The following MAST3 variants were observed in gnomAD, a reference collection of about 807,000 sequenced individuals.
MAST3 encodes microtubule associated serine/threonine kinase 3, also known as microtubule-associated serine/threonine-protein kinase 3.
In MAST3, 43 loss-of-function variants were observed where a neutral mutation model predicts 127.0. The ratio of observed to expected loss-of-function variants is 0.34; its 90% CI spans 0.27 to 0.44. MAST3 has a LOEUF of 0.44. Ranked by LOEUF, MAST3 falls within the 20% of genes least tolerant of loss-of-function variation. The pLI is 1.00. For synonymous variants in MAST3, 785 were observed against 809.2 expected (o/e 0.97, Z 0.51); for missense variants, 1,390 against 1,919.1 (o/e 0.72, Z 5.15).
intron 19 of MAST3, among the ~76,000 whole-genome samples, chr19:18,138,590 C>A (rs925826070): frequency 3.9e-5 from 6 of 152,166 alleles, no homozygotes; most frequent in Non-Finnish European, 8.8e-5. Flanking sequence ...CTCTGCCTCC[C>A]GGGTTCAAGC....
rs1027634943 is a variant in MAST3, at chr19:18,144,405, G to C, written c.2585-61G>C. 7.1e-7 allele frequency: 1 copy of C among 1,410,210 alleles called. No individual in the cohort carries two copies. Among genetic ancestry groups the C allele is most frequent in the Admixed American group, 2.0e-5 (1 of 50,702 alleles). The allele number at this position is 1,410,210 out of a possible 1,614,324, so 87.4% of individuals were successfully genotyped here. ...GTGACCAGGGAGGAAGGGCCTTAAG[G>C]TCCCTTTAGGACCACATGGTGAGTT... On this transcript the variant is annotated intron_variant, in intron 22 of 27. Coordinates refer to ENST00000687212, the MANE Select transcript of MAST3 (RefSeq NM_001393504.1). The surrounding 1 kb of genome is among the most constrained non-coding windows in gnomAD (Gnocchi z 4.0).
chr19:18,109,965 G>A, intron 2 of MAST3: 1 of 985,354 alleles, frequency 1.0e-6, no homozygotes, highest in Non-Finnish European at 1.2e-6. Context: ...CGCGCGGACC[G>A]CGGAGCCAGT....
rs572638518 is a variant in MAST3 at position 18,133,703 on chromosome 19, G to A, written c.1572-876G>A. On this transcript the variant is annotated intron_variant, in intron 15 of 27. Transcript: ENST00000687212. Reference sequence around the variant, plus strand: ...CAATTAGCTGGGATTACAGGCATGCGCCACCACGCCCAGATAATTTTTGTA... The same window carrying A: ...CAATTAGCTGGGATTACAGGCATGCACCACCACGCCCAGATAATTTTTGTA... Among the ~76,000 whole-genome samples, 16 of 152,000 alleles carry A rather than the reference G, an allele frequency of 1.1e-4. No homozygotes were observed. In the South Asian group the frequency reaches 3.3e-3, roughly 32 times the overall value.
intron 5 of MAST3, 66 bp from the exon 6 acceptor site, chr19:18,122,607 G>C (rs1318510634): frequency 7.3e-7 from 1 of 1,374,986 alleles, no homozygotes; most frequent in African/African-American, 1.4e-5. Flanking sequence ...CACAGTGTCT[G>C]TTCTTAGTCC....
chr19:18,100,419 C>G (rs964025944), intron 1 of MAST3, among the ~76,000 whole-genome samples: 15 of 151,976 alleles, frequency 9.9e-5, no homozygotes, highest in Admixed American at 4.6e-4. Context: ...AGCCACCGCG[C>G]CCAGCCAAGA....
rs141398539 is a variant in MAST3, at chr19:18,115,439, G to A, written c.161+4698G>A. Among the ~76,000 whole-genome samples, 97 of 152,114 alleles carry A rather than the reference G, an allele frequency of 6.4e-4. No individual in the cohort carries two copies. The East Asian group carries it at 6.9e-3, about 11-fold the overall frequency. ...CGAGTGTGTGCAAAGGTGTGTCCCCGTGCATATGGGGTGGCTCAGCACGTA... is the reference window on the plus strand; with the variant it reads ...CGAGTGTGTGCAAAGGTGTGTCCCCATGCATATGGGGTGGCTCAGCACGTA... On this transcript the variant is annotated intron_variant, in intron 3 of 27. Coordinates refer to ENST00000687212, the MANE Select transcript of MAST3 (RefSeq NM_001393504.1).
chr19:18,114,074 C>T (rs2147000983), intron 3 of MAST3, among the ~76,000 whole-genome samples: 1 of 152,310 alleles, frequency 6.6e-6, no homozygotes, highest in Middle Eastern at 3.4e-3. Flanking sequence ...ATCAAGGCCT[C>T]AGCCTCAGAT....
chr19:18,100,126 C>CTTTTTTTTTTTTTTT (rs201140700), intron 1 of MAST3, among the ~76,000 whole-genome samples: 2 of 117,002 alleles, frequency 1.7e-5, no homozygotes, highest in Admixed American at 1.0e-4. Flanking sequence ...CTCTCTCTCT[C>CTTTTTTTTTTTTTTT]TCTTTTTTTT....
chr19:18,125,592 T>C (rs2040515049), intron 11 of MAST3, among the ~76,000 whole-genome samples: 1 of 151,524 alleles, frequency 6.6e-6, no homozygotes, highest in South Asian at 2.1e-4. Context: ...GATACAAAAA[T>C]TAGCCGGGTG....
intron 6 of MAST3, 73 bp from the exon 7 acceptor site, chr19:18,123,144 G>A: frequency 1.3e-6 from 2 of 1,533,086 alleles, no homozygotes; most frequent in Non-Finnish European, 1.8e-6. Flanking sequence ...TGGGCCTTGA[G>A]GGGTGGTGCT....
At chr19:18,135,869 G>A (rs1465093258) in intron 18 of MAST3, 28 bp downstream of exon 18, 1 of 1,556,164 alleles carries the variant, frequency 6.4e-7, no homozygotes, top group Non-Finnish European at 8.8e-7. Context: ...GAACCCAGGT[G>A]GGTGGCTCCT....
At chr19:18,135,962 GT>G in intron 18 of MAST3, 121 bp downstream of exon 18, 1 of 688,976 alleles carries the variant, frequency 1.5e-6, no homozygotes, top group Non-Finnish European at 2.5e-6. Flanking sequence ...GGAGGAGGGG[GT>G]TTGCAGCTAG....
chr19:18,117,532 A>T (rs1431153563), intron 3 of MAST3, among the ~76,000 whole-genome samples: 1 of 152,140 alleles, frequency 6.6e-6, no homozygotes, highest in Non-Finnish European at 1.5e-5. Flanking sequence ...CCTGGGGAAG[A>T]CATAGCCGGA....
chr19:18,115,533 G>A (rs538493479), intron 3 of MAST3, among the ~76,000 whole-genome samples: 2 of 152,058 alleles, frequency 1.3e-5, no homozygotes, highest in African/African-American at 2.4e-5. Flanking sequence ...TCTGCACCCC[G>A]CATGAGGCTT....
chr19:18,130,920 G>A (rs2041207640), intron 14 of MAST3, among the ~76,000 whole-genome samples: 1 of 152,216 alleles, frequency 6.6e-6, no homozygotes, highest in Non-Finnish European at 1.5e-5. Context: ...ATGGGACCCT[G>A]GAGGCAAGAG....
At chr19:18,117,161 T>C (rs1371039414) in intron 3 of MAST3, among the ~76,000 whole-genome samples, 1 of 152,142 alleles carries the variant, frequency 6.6e-6, no homozygotes, top group Non-Finnish European at 1.5e-5. Flanking sequence ...CAGATTTTAT[T>C]CTGTTTTCAG....
Position 18,147,591 on chromosome 19 carries a change from C to A in MAST3, c.3475C>A (p.Pro1159Thr). Reference sequence around the variant, plus strand: ...CAGCCTCTCCCCCAGCCCCACCACTCCCTGCCGAAGCCCAGCCCCTGATGT... The same window carrying A: ...CAGCCTCTCCCCCAGCCCCACCACTACCTGCCGAAGCCCAGCCCCTGATGT... The part of the protein sequence containing the change: ...THSLSPSPTT[P>T]CRSPAPDVPA... The change falls in exon 27 of 28, where the codon CCC becomes ACC. Residue 1159 changes from proline (P) to threonine (T), a missense_variant. Physicochemically the swap from Pro to Thr is conservative, Grantham distance 38 (BLOSUM62 -1). Coordinates refer to ENST00000687212, the MANE Select transcript of MAST3 (RefSeq NM_001393504.1). The A allele has an allele frequency of 3.2e-6, 5 of 1,567,236 alleles. No homozygotes were observed. The highest frequency in any genetic ancestry group is 4.3e-6 in the Non-Finnish European group (5 of 1,156,526).
At chr19:18,142,696 C>A (rs565066847) in intron 21 of MAST3, among the ~76,000 whole-genome samples, 5 of 151,406 alleles carry the variant, frequency 3.3e-5, no homozygotes, top group African/African-American at 1.2e-4. Flanking sequence ...CTCTGTCTCC[C>A]AGACTGGAGT....
intron 5 of MAST3, 74 bp downstream of exon 5, chr19:18,121,996 G>A: frequency 6.4e-7 from 1 of 1,567,460 alleles, no homozygotes; most frequent in Non-Finnish European, 8.7e-7. Context: ...GTGCTCGGTG[G>A]CTAGACCTGG....
Sources: allele counts gnomAD v4.1 joint callset (sites outside exome capture counted in the v4.1 genomes callset), GRCh38; gene constraint gnomAD v4.1.1; non-coding constraint Gnocchi (gnomAD v3.1); transcripts MANE v1.5; gene names NCBI Gene and HGNC (gene_info 2026-07-23, HGNC 2026-07-21).